The following APPL2 variants were observed in gnomAD, a reference collection of about 807,000 sequenced individuals.
APPL2 encodes DCC-interacting protein 13-beta.
APPL2 carries 84 observed loss-of-function variants against 92.7 expected under a neutral mutation model. That is an observed-to-expected ratio of 0.91 (90% CI 0.76 to 1.09). The LOEUF is 1.09. APPL2 is among the 50% of genes least tolerant of loss of function. The probability of loss-of-function intolerance (pLI) is 0.00; values close to 1 mark genes in which losing one functional copy is unlikely to be tolerated. For missense variants in APPL2, 736 were observed against 824.5 expected, an observed-to-expected ratio of 0.89 and a Z score of 1.31; for synonymous variants, 291 against 291.0, an observed-to-expected ratio of 1.00 and a Z score of 0.00.
rs1247118419 is a variant in APPL2, at chr12:105,190,093, G to A, written c.1304C>T (p.Ala435Val). 4 of 1,614,046 alleles carry A rather than the reference G, an allele frequency of 2.5e-6. No individual in the cohort carries two copies. The highest frequency in any genetic ancestry group is 2.7e-5 in the African/African-American group (2 of 74,910). ...CAGCTCCTCTGCTTCAGGTAGACTG[G>A]CTGTTGCTTTGGGAACAATCTTGTC... ...ENDKIVPKAT[A>V]SLPEAEELIA... Residue 435 changes from alanine (A) to valine (V), a missense_variant, in exon 15 of 21, where the codon GCC becomes GTC. Physicochemically the swap from Ala to Val is moderately conservative, Grantham distance 64 (BLOSUM62 0). Coordinates refer to ENST00000258530, the MANE Select transcript of APPL2 (RefSeq NM_018171.5).
At chr12:105,191,173 T>C (rs1017196527) in intron 14 of APPL2, among the ~76,000 whole-genome samples, 2 of 152,220 alleles carry the variant, frequency 1.3e-5, no homozygotes, top group Non-Finnish European at 2.9e-5. Flanking sequence ...AAACAGTACA[T>C]AGGCTTGTAG....
chr12:105,206,607 T>C (rs985294513), intron 8 of APPL2, among the ~76,000 whole-genome samples: 1 of 152,174 alleles, frequency 6.6e-6, no homozygotes, highest in African/African-American at 2.4e-5. Context: ...CGTTTCCCCA[T>C]GCCCAGATGT....
intron 17 of APPL2, 52 bp from the exon 18 acceptor site, chr12:105,177,314 T>G: frequency 6.4e-7 from 1 of 1,556,220 alleles, no homozygotes; most frequent in East Asian, 2.2e-5. Flanking sequence ...AATTTAATAT[T>G]CCTAGAAGAG....
intron 20 of APPL2, among the ~76,000 whole-genome samples, chr12:105,174,922 C>T (rs1471329688): frequency 1.3e-5 from 2 of 148,246 alleles, no homozygotes; most frequent in South Asian, 2.1e-4. Context: ...CTCGCTCTAT[C>T]GCCCAGGCTG....
At chr12:105,211,625 C>T (rs1889225339) in intron 4 of APPL2, among the ~76,000 whole-genome samples, 1 of 152,224 alleles carries the variant, frequency 6.6e-6, no homozygotes, top group African/African-American at 2.4e-5. Context: ...CCCCACCCCA[C>T]TGGAGAATCC....
intron 4 of APPL2, among the ~76,000 whole-genome samples, chr12:105,214,569 A>G (rs910566596): frequency 6.6e-6 from 1 of 152,238 alleles, no homozygotes; most frequent in Non-Finnish European, 1.5e-5. Context: ...AAAAATATGT[A>G]TTTGGTCTTT....
At chr12:105,215,226 G>C (rs567815630) in intron 4 of APPL2, among the ~76,000 whole-genome samples, 1 of 152,274 alleles carries the variant, frequency 6.6e-6, no homozygotes, top group Non-Finnish European at 1.5e-5. Flanking sequence ...GTGTGGGGGA[G>C]GGGGTAGTCT....
chr12:105,220,997 C>T (rs910675694), intron 2 of APPL2, among the ~76,000 whole-genome samples: 7 of 152,208 alleles, frequency 4.6e-5, no homozygotes, highest in African/African-American at 1.4e-4. Flanking sequence ...ATGAGTTCAT[C>T]GGAAACCAAC....
chr12:105,226,589 C>T (rs1890526635), intron 2 of APPL2, among the ~76,000 whole-genome samples: 1 of 152,216 alleles, frequency 6.6e-6, no homozygotes, highest in African/African-American at 2.4e-5. Context: ...ACAGAGACTC[C>T]TCAGAGTGAC....
In APPL2 at chr12:105,188,578, T is replaced by C. The variant is rs138511304; in HGVS notation, c.1460-131A>G. 272 of 817,632 alleles carry C rather than the reference T, an allele frequency of 3.3e-4. No individual in the cohort carries two copies. In the African/African-American group the frequency reaches 4.2e-3, roughly 13 times the overall value. The allele number at this position is 817,632 out of a possible 1,614,324, so 50.6% of individuals were successfully genotyped here. On this transcript the variant is annotated intron_variant, in intron 16 of 20. Coordinates refer to ENST00000258530, the MANE Select transcript of APPL2 (RefSeq NM_018171.5). ...TTCTACCAAAATTTCTCAATACCAC[T>C]TTTATAAGCCCAATATTGCCAAAGC...
At chr12:105,217,583 G>T (rs901912830) in intron 3 of APPL2, 83 bp downstream of exon 3, 7 of 1,284,430 alleles carry the variant, frequency 5.4e-6, no homozygotes, top group Middle Eastern at 1.9e-4. Flanking sequence ...AATAATTTAG[G>T]TCTCTAAGGA....
chr12:105,194,995 C>T (rs530583216), intron 14 of APPL2, among the ~76,000 whole-genome samples: 3 of 152,250 alleles, frequency 2.0e-5, no homozygotes, highest in Non-Finnish European at 2.9e-5. Context: ...CCTCCATGCA[C>T]GTCCTGTTTG....
At chr12:105,222,183 G>C (rs977688570) in intron 2 of APPL2, among the ~76,000 whole-genome samples, 47 of 152,192 alleles carry the variant, frequency 3.1e-4, no homozygotes, top group African/African-American at 1.1e-3. Context: ...CAGGCCACGG[G>C]GGGATGCCTG....
chr12:105,208,254 C>A (rs1043655528), intron 5 of APPL2, 55 bp from the exon 6 acceptor site: 1 of 1,596,214 alleles, frequency 6.3e-7, no homozygotes, highest in Non-Finnish European at 8.6e-7. Context: ...ACATGCCAAC[C>A]CAGAGCTCTG....
At position 105,177,226 on chromosome 12, in the gene APPL2, A is replaced by C. The variant is rs775184236; in HGVS notation, c.1671T>G (p.Asn557Lys). 2 of 1,613,986 alleles carry C rather than the reference A, an allele frequency of 1.2e-6. No homozygotes were observed. The highest frequency in any genetic ancestry group is 1.7e-5 in the Admixed American group (1 of 60,024). ...ACATGAACCTGTATGCGGTACTTAC[A>C]TTGGCCCTTGATACTTGAGTCTGTG... ...IDPQTQVSRA[N>K]FELTSVTQFA... The change falls in exon 18 of 21, where the codon AAT (asparagine) becomes AAG (lysine). Residue 557 changes from asparagine to lysine, a missense_variant and splice_region_variant. Physicochemically the swap from Asn to Lys is moderately conservative, Grantham distance 94. Coordinates refer to ENST00000258530, the MANE Select transcript of APPL2 (RefSeq NM_018171.5).
At chr12:105,199,672 C>CCTCT (rs1887977992) in intron 9 of APPL2, 141 bp from the exon 10 acceptor site, 16 of 837,108 alleles carry the variant, frequency 1.9e-5, no homozygotes, top group Middle Eastern at 3.7e-4. Flanking sequence ...GGGCCACAAC[C>CCTCT]CTCTACCCTT....
chr12:105,181,594 C>CT (rs1321912890), intron 17 of APPL2, among the ~76,000 whole-genome samples: 4 of 151,676 alleles, frequency 2.6e-5, no homozygotes, highest in East Asian at 3.9e-4. Context: ...TGGTCCTGGG[C>CT]TTTTTTTTGG....
At chr12:105,182,679 T>C (rs1029868372) in intron 17 of APPL2, among the ~76,000 whole-genome samples, 1 of 152,220 alleles carries the variant, frequency 6.6e-6, no homozygotes, top group African/African-American at 2.4e-5. Flanking sequence ...CTTCCGATTA[T>C]GTGGTCAATT....
chr12:105,226,836 C>T (rs1406814269), intron 2 of APPL2, among the ~76,000 whole-genome samples: 6 of 152,258 alleles, frequency 3.9e-5, no homozygotes, highest in Admixed American at 2.6e-4. Flanking sequence ...CAGGTGAACA[C>T]ATAATTCTTT....
Sources: allele counts gnomAD v4.1 joint callset (sites outside exome capture counted in the v4.1 genomes callset), GRCh38; gene constraint gnomAD v4.1.1; transcripts MANE v1.5; gene names NCBI Gene and HGNC (gene_info 2026-07-23, HGNC 2026-07-21).